The following PLCL1 variants were observed in gnomAD, a reference collection of about 807,000 sequenced individuals.
The protein encoded by PLCL1 is inactive phospholipase C-like protein 1.
A neutral mutation model predicts 84.4 loss-of-function variants in PLCL1; 41 were observed. The ratio of observed to expected loss-of-function variants is 0.49; its 90% CI spans 0.38 to 0.63. PLCL1 has a LOEUF of 0.63. Among genes scored for constraint, PLCL1 ranks in the 30% least tolerant of loss-of-function variants. PLCL1 has a pLI of 0.00. For missense variants in PLCL1, 1,206 were observed against 1,367.8 expected (o/e 0.88, Z 1.87); for synonymous variants, 490 against 488.3 (o/e 1.00, Z -0.05).
intron 5 of PLCL1, among the ~76,000 whole-genome samples, chr2:198,123,359 C>T (rs1693916376): frequency 6.6e-6 from 1 of 152,048 alleles, no homozygotes; most frequent in Non-Finnish European, 1.5e-5. Flanking sequence ...TGTTGAAATC[C>T]TAAACCCCCA....
rs928470535 is a variant in PLCL1 at position 198,149,224 on chromosome 2, C to A, written c.*2262C>A. ...TATGCCTCCATGACATTGTTACATTCTATGAGGAGCATCTGTCTCCTTTCT... is the reference window on the plus strand; with the variant it reads ...TATGCCTCCATGACATTGTTACATTATATGAGGAGCATCTGTCTCCTTTCT... On this transcript the variant is annotated 3_prime_UTR_variant, in exon 6 of 6. Coordinates refer to ENST00000428675, the MANE Select transcript of PLCL1 (RefSeq NM_006226.4). 1 of 152,302 alleles carries A rather than the reference C, an allele frequency of 6.6e-6. No individual in the cohort carries two copies. Among genetic ancestry groups the A allele is most frequent in the Non-Finnish European group, 1.5e-5 (1 of 68,034 alleles). 9.4% of individuals were successfully genotyped at this position (152,302 alleles called of 1,614,324 possible). A position where few individuals can be genotyped will look rare whatever the true frequency, so the allele number is the denominator to read the frequency against.
intron 1 of PLCL1, among the ~76,000 whole-genome samples, chr2:197,999,878 TGA>T (rs1435509175): frequency 6.6e-6 from 1 of 152,128 alleles, no homozygotes; most frequent in Non-Finnish European, 1.5e-5. Context: ...ACAGAATGTG[TGA>T]GTTTGAGGAA....
chr2:197,961,113 A>G (rs1277718946), intron 1 of PLCL1, among the ~76,000 whole-genome samples: 1 of 152,032 alleles, frequency 6.6e-6, no homozygotes, highest in Non-Finnish European at 1.5e-5. Flanking sequence ...GCCATATTCC[A>G]TTTCAGTAGA....
At chr2:197,945,268 G>A (rs920278574) in intron 1 of PLCL1, among the ~76,000 whole-genome samples, 3 of 152,116 alleles carry the variant, frequency 2.0e-5, no homozygotes, top group African/African-American at 7.2e-5. Flanking sequence ...ATGTGGGTTG[G>A]TCTAGAGAGA....
rs115474124 is a variant in PLCL1, at chr2:197,998,115, G to A, written c.241-85643G>A. Among the ~76,000 whole-genome samples, 707 of 151,264 alleles carry A rather than the reference G, an allele frequency of 4.7e-3. 7 individuals carry two copies. Among genetic ancestry groups the A allele is most frequent in the Middle Eastern group, 0.01 (3 of 294 alleles). On this transcript the variant is annotated intron_variant, in intron 1 of 5. Coordinates refer to ENST00000428675, the MANE Select transcript of PLCL1 (RefSeq NM_006226.4). ...GAAACTGAAAACTGAGGCCAGAGGA[G>A]AAGAAACTGTGCCTATTTATTCAGT...
At position 198,085,404 on chromosome 2, in the gene PLCL1, G is replaced by C. The variant is rs201079513; in HGVS notation, c.1887G>C (p.Glu629Asp). ...GCCGCATTGCAAATGAGTACCCAGA[G>C]GATTTTGTTAATTATAATAAGAAGT... ...EASRIANEYP[E>D]DFVNYNKKFL... is the part of the protein sequence containing the mutation. The change falls in exon 2 of 6, where the codon GAG becomes GAC. Residue 629 changes from glutamate to aspartate, a missense_variant. Coordinates refer to ENST00000428675, the MANE Select transcript of PLCL1 (RefSeq NM_006226.4). This position sits in a 1 kb window ranked among gnomAD's most constrained non-coding sequence, Gnocchi z 5.3. 39 of 1,611,764 alleles carry C rather than the reference G, an allele frequency of 2.4e-5. No individual in the cohort carries two copies. The highest frequency in any genetic ancestry group is 3.2e-5 in the Non-Finnish European group (38 of 1,178,238).
intron 1 of PLCL1, among the ~76,000 whole-genome samples, chr2:197,956,621 C>A (rs1406029929): frequency 6.6e-6 from 1 of 151,982 alleles, no homozygotes; most frequent in Non-Finnish European, 1.5e-5. Context: ...TTCTGACTGG[C>A]ATGAGGTGGT....
At chr2:197,831,698 C>T (rs1377882927) in intron 1 of PLCL1, among the ~76,000 whole-genome samples, 1 of 152,190 alleles carries the variant, frequency 6.6e-6, no homozygotes, top group Non-Finnish European at 1.5e-5. Flanking sequence ...ACTCTCCACC[C>T]CAAATCAACA....
chr2:197,856,770 A>G (rs977091501), intron 1 of PLCL1, among the ~76,000 whole-genome samples: 2 of 152,220 alleles, frequency 1.3e-5, no homozygotes, highest in Non-Finnish European at 2.9e-5. Flanking sequence ...TGTATAGGTA[A>G]AGATGAAATG....
At chr2:197,922,501 C>G (rs1688723106) in intron 1 of PLCL1, among the ~76,000 whole-genome samples, 1 of 117,720 alleles carries the variant, frequency 8.5e-6, no homozygotes, top group African/African-American at 2.9e-5. Flanking sequence ...CATTGTCATC[C>G]TGGCCCGTTC....
At chr2:197,823,071 A>G (rs1440400968) in intron 1 of PLCL1, among the ~76,000 whole-genome samples, 2 of 152,002 alleles carry the variant, frequency 1.3e-5, no homozygotes, top group Non-Finnish European at 2.9e-5. Flanking sequence ...ATGATTTTCT[A>G]TTTTTCCTTT....
chr2:197,959,235 A>T (rs1395428906), intron 1 of PLCL1, among the ~76,000 whole-genome samples: 2 of 152,028 alleles, frequency 1.3e-5, no homozygotes, highest in Non-Finnish European at 2.9e-5. Flanking sequence ...GGTGAGTTCA[A>T]AATCTGTAGT....
rs79005484 is a variant in PLCL1, at chr2:197,896,469, T to C, written c.240+91130T>C. On this transcript the variant is annotated intron_variant, in intron 1 of 5. Transcript: ENST00000428675. ...TGCTCCTCTTTCCACTCTCTTCTTT[T>C]TCCAATCTGGAATCATATCATTTTT... 5.9e-3 allele frequency among the ~76,000 whole-genome samples: 900 copies of C among 152,128 alleles called. 12 individuals carry two copies. The highest frequency in any genetic ancestry group is 0.021 in the African/African-American group (863 of 41,552).
intron 1 of PLCL1, among the ~76,000 whole-genome samples, chr2:197,830,790 C>T (rs904591643): frequency 3.3e-5 from 5 of 152,138 alleles, no homozygotes; most frequent in Non-Finnish European, 7.4e-5. Flanking sequence ...GGGTTACCCA[C>T]AAAGGGAAGC....
chr2:197,954,676 A>G (rs1379372487), intron 1 of PLCL1, among the ~76,000 whole-genome samples: 1 of 152,080 alleles, frequency 6.6e-6, no homozygotes, highest in Non-Finnish European at 1.5e-5. Context: ...TGTAAGTGAT[A>G]GTAGCTACTG....
At chr2:198,034,439 G>A (rs989798157) in intron 1 of PLCL1, among the ~76,000 whole-genome samples, 2 of 152,056 alleles carry the variant, frequency 1.3e-5, no homozygotes, top group Non-Finnish European at 2.9e-5. Flanking sequence ...TGTTTACTGC[G>A]GCACTATTCA....
chr2:198,005,504 A>G (rs924634002), intron 1 of PLCL1, among the ~76,000 whole-genome samples: 1 of 152,228 alleles, frequency 6.6e-6, no homozygotes, highest in Admixed American at 6.5e-5. Flanking sequence ...TCTTCATTGC[A>G]TTATATTTAC....
At chr2:198,011,926 TCTC>T (rs374238408) in intron 1 of PLCL1, among the ~76,000 whole-genome samples, 1 of 152,148 alleles carries the variant, frequency 6.6e-6, no homozygotes, top group Admixed American at 6.6e-5. Flanking sequence ...TCTGGTCACT[TCTC>T]CTCTCTGTAG....
chr2:197,886,523 C>T (rs1354065053), intron 1 of PLCL1, among the ~76,000 whole-genome samples: 3 of 150,370 alleles, frequency 2.0e-5, no homozygotes, highest in Non-Finnish European at 4.4e-5. Context: ...GTGCATCTCC[C>T]TGGATTGTCA....
Sources: allele counts gnomAD v4.1 joint callset (sites outside exome capture counted in the v4.1 genomes callset), GRCh38; gene constraint gnomAD v4.1.1; non-coding constraint Gnocchi (gnomAD v3.1); transcripts MANE v1.5; gene names NCBI Gene and HGNC (gene_info 2026-07-23, HGNC 2026-07-21).